SORCS2: variants seen among roughly 807,000 people sequenced by gnomAD.
SORCS2 encodes sortilin related VPS10 domain containing receptor 2.
SORCS2 carries 100 observed loss-of-function variants against 141.6 expected under a neutral mutation model. The ratio of observed to expected loss-of-function variants is 0.71; its 90% CI spans 0.60 to 0.83. SORCS2 has a LOEUF of 0.83. SORCS2 is among the 40% of genes least tolerant of loss of function. The pLI is 0.00. For missense variants in SORCS2, 1,646 were observed against 1,560.2 expected, an observed-to-expected ratio of 1.05 and a Z score of -0.93; for synonymous variants, 789 against 676.9, an observed-to-expected ratio of 1.17 and a Z score of -2.57.
intron 1 of SORCS2, among the ~76,000 whole-genome samples, chr4:7,263,073 G>C (rs1191743878): frequency 6.6e-6 from 1 of 152,164 alleles, no homozygotes; most frequent in Non-Finnish European, 1.5e-5. Context: ...TGGAACCAGA[G>C]ACCTGCGATT....
intron 2 of SORCS2, among the ~76,000 whole-genome samples, chr4:7,489,506 A>G (rs1411426939): frequency 6.9e-6 from 1 of 144,972 alleles, no homozygotes; most frequent in African/African-American, 2.6e-5. Flanking sequence ...TCTCGGTGGT[A>G]AATAATCCAT....
At chr4:7,521,762 C>A (rs1354940207) in intron 2 of SORCS2, among the ~76,000 whole-genome samples, 3 of 152,218 alleles carry the variant, frequency 2.0e-5, no homozygotes, top group Non-Finnish European at 2.9e-5. Context: ...GCCTCAGTTT[C>A]CCCATATATA....
rs1238581191 is a variant in SORCS2, at chr4:7,454,831, T to A, written c.548+58476T>A. Among the ~76,000 whole-genome samples the A allele has an allele frequency of 4.4e-4, 39 of 88,148 alleles. 1 individual carries two copies. Among genetic ancestry groups the A allele is most frequent in the South Asian group, 1.8e-3 (4 of 2,262 alleles). The allele number at this position is 88,148 out of a possible 152,430, so 57.8% of individuals were successfully genotyped here. ...GGTCAGGCACTGTGTTGGGGTCTGG[T>A]GCTGTGTGTTGGGGTCAGGTGCTGT... is the stretch of plus-strand genomic sequence containing the variant. On this transcript the variant is annotated intron_variant, in intron 2 of 26. Transcript: ENST00000507866.
chr4:7,655,110 G>A (rs1054274612), intron 5 of SORCS2, among the ~76,000 whole-genome samples: 3 of 152,214 alleles, frequency 2.0e-5, no homozygotes, highest in Admixed American at 6.5e-5. Flanking sequence ...TCTCCTGCTG[G>A]GGCCATATCC....
intron 2 of SORCS2, among the ~76,000 whole-genome samples, chr4:7,455,521 CCTCCGTGT>C (rs1728842228): frequency 1.4e-5 from 1 of 72,678 alleles, no homozygotes; most frequent in East Asian, 4.7e-4. Flanking sequence ...TTGGGGTCAG[CCTCCGTGT>C]TAGTGTCATG....
rs544708563 is a variant in SORCS2 at position 7,238,673 on chromosome 4, G to A, written c.480+45547G>A. On this transcript the variant is annotated intron_variant, in intron 1 of 26. Coordinates refer to ENST00000507866, the MANE Select transcript of SORCS2 (RefSeq NM_020777.3). ...TTGTGTTTGTGTTAATCTGTGGTGT[G>A]ATTAGGAGCGTGAGCTGCTGCCCTG... Among the ~76,000 whole-genome samples, 13 of 152,340 alleles carry A rather than the reference G, an allele frequency of 8.5e-5. No individual in the cohort carries two copies. In the South Asian group the frequency reaches 2.7e-3, roughly 32 times the overall value.
intron 1 of SORCS2, among the ~76,000 whole-genome samples, chr4:7,372,834 G>C (rs775347036): frequency 2.0e-5 from 3 of 151,890 alleles, no homozygotes; most frequent in Non-Finnish European, 2.9e-5. Context: ...GTGACCTTCC[G>C]GGCCTGGCTG....
intron 3 of SORCS2, among the ~76,000 whole-genome samples, chr4:7,612,135 C>T (rs1406698735): frequency 6.6e-6 from 1 of 152,152 alleles, no homozygotes; most frequent in African/African-American, 2.4e-5. Context: ...GGCCGAGTTT[C>T]CGGAGCTCAG....
chr4:7,246,650 C>G (rs978520682), intron 1 of SORCS2, among the ~76,000 whole-genome samples: 19 of 152,210 alleles, frequency 1.2e-4, no homozygotes, highest in Non-Finnish European at 2.8e-4. Flanking sequence ...CTTTGCTGCT[C>G]TAATCCAAAG....
At chr4:7,461,596 C>G (rs563086428) in intron 2 of SORCS2, among the ~76,000 whole-genome samples, 2 of 152,344 alleles carry the variant, frequency 1.3e-5, no homozygotes, top group African/African-American at 4.8e-5. Context: ...TGAAGTGGCA[C>G]TGTAGCATGT....
intron 3 of SORCS2, among the ~76,000 whole-genome samples, chr4:7,551,323 A>AGCCCC (rs1300596604): frequency 2.6e-5 from 4 of 152,158 alleles, no homozygotes; most frequent in Non-Finnish European, 4.4e-5. Flanking sequence ...ACATTTCCTG[A>AGCCCC]GCCCCTATTC....
chr4:7,518,729 G>A (rs1352632986), intron 2 of SORCS2, among the ~76,000 whole-genome samples: 2 of 152,094 alleles, frequency 1.3e-5, no homozygotes, highest in Admixed American at 6.5e-5. Context: ...GGCAAGTGCC[G>A]GTTTTCTCTC....
intron 26 of SORCS2, among the ~76,000 whole-genome samples, chr4:7,738,940 C>T (rs889407135): frequency 2.6e-5 from 4 of 152,144 alleles, no homozygotes; most frequent in Non-Finnish European, 5.9e-5. Flanking sequence ...TCTCCAGCAT[C>T]GCCAGCCCAG....
At chr4:7,228,130 T>G (rs1481380375) in intron 1 of SORCS2, among the ~76,000 whole-genome samples, 4 of 152,144 alleles carry the variant, frequency 2.6e-5, no homozygotes, top group Admixed American at 2.0e-4. Flanking sequence ...TAAGACAAGA[T>G]GTAGGCAGGG....
chr4:7,689,585 G>T lies in SORCS2; in HGVS notation c.1588G>T (p.Ala530Ser). The change falls in exon 11 of 27, where the codon GCA becomes TCA. Residue 530 changes from alanine (A) to serine (S), a missense_variant. Ala to Ser is a moderately conservative substitution (Grantham distance 99, BLOSUM62 1). Transcript: ENST00000507866. ...KDTAPGLIMG[A>S]GNLGSQLVEY... is the part of the protein sequence containing the mutation. ...CACCGCCCCAGGCCTCATCATGGGTGCAGGTAGGTGGCTTCCATCACAGGT... is the reference window on the plus strand; with the variant it reads ...CACCGCCCCAGGCCTCATCATGGGTTCAGGTAGGTGGCTTCCATCACAGGT... 6.3e-7 allele frequency: 1 copy of T among 1,583,668 alleles called. No homozygotes were observed. The highest frequency in any genetic ancestry group is 1.8e-5 in the Admixed American group (1 of 55,996).
At chr4:7,389,298 A>G (rs1027916652) in intron 1 of SORCS2, among the ~76,000 whole-genome samples, 2 of 152,040 alleles carry the variant, frequency 1.3e-5, no homozygotes, top group Non-Finnish European at 2.9e-5. Flanking sequence ...TGTGGAGTGA[A>G]TTTGGCCAAA....
intron 3 of SORCS2, among the ~76,000 whole-genome samples, chr4:7,616,288 T>C (rs1718750094): frequency 6.6e-6 from 1 of 151,906 alleles, no homozygotes. Context: ...CACTCACATA[T>C]ACATACACAC....
At chr4:7,436,360 C>T (rs534991621) in intron 2 of SORCS2, among the ~76,000 whole-genome samples, 1 of 152,238 alleles carries the variant, frequency 6.6e-6, no homozygotes, top group Non-Finnish European at 1.5e-5. Flanking sequence ...TCCCAGGGCA[C>T]CCACTCGCAT....
intron 1 of SORCS2, among the ~76,000 whole-genome samples, chr4:7,312,417 G>T (rs1718242966): frequency 6.6e-6 from 1 of 152,140 alleles, no homozygotes; most frequent in Admixed American, 6.5e-5. Flanking sequence ...CTCGGATCAG[G>T]GCACAATGAC....
Sources: gnomAD v4.1 joint callset for allele counts (sites outside exome capture counted in the v4.1 genomes callset) on GRCh38, gnomAD v4.1.1 for gene constraint, MANE v1.5 for transcripts, NCBI Gene and HGNC (gene_info 2026-07-23, HGNC 2026-07-21) for gene names.